CFHR2: variants seen among roughly 807,000 people sequenced by gnomAD.
CFHR2 encodes the protein complement factor H-related protein 2.
A neutral mutation model predicts 21.7 loss-of-function variants in CFHR2; 22 were observed. That is an observed-to-expected ratio of 1.01 (90% CI 0.72 to 1.45). CFHR2 has a LOEUF of 1.45. Ranked by LOEUF, CFHR2 falls within the 40% of genes most tolerant of loss-of-function variation. The pLI, the probability that CFHR2 is intolerant of heterozygous loss-of-function variation, is 0.00. For synonymous variants in CFHR2, 98 were observed against 97.4 expected, an observed-to-expected ratio of 1.01 and a Z score of -0.04; for missense variants, 294 against 293.3, an observed-to-expected ratio of 1.00 and a Z score of -0.02.
At chr1:196,955,833 C>A (rs1009859469) in intron 3 of CFHR2, among the ~76,000 whole-genome samples, 1 of 151,810 alleles carries the variant, frequency 6.6e-6, no homozygotes, top group Non-Finnish European at 1.5e-5. Flanking sequence ...GGTGACAGAG[C>A]GAGACTCTGT....
chr1:196,954,666 CCACCT>C (rs1652799350), intron 3 of CFHR2, among the ~76,000 whole-genome samples: 1 of 137,554 alleles, frequency 7.3e-6, no homozygotes, highest in Non-Finnish European at 1.6e-5. Flanking sequence ...GAAGAGGTTC[CCACCT>C]GGAACCAAAA....
Position 196,950,032 on chromosome 1 carries a change from A to G in CFHR2, c.253+383A>G, listed in dbSNP as rs556203520. ...TCTTTTGCATATTACAAGGAGGTTTAGCATTTTCACTTTTATATTTCAATA... is the reference window on the plus strand; with the variant it reads ...TCTTTTGCATATTACAAGGAGGTTTGGCATTTTCACTTTTATATTTCAATA... On this transcript the variant is annotated intron_variant, in intron 2 of 4. Coordinates refer to ENST00000367415, the MANE Select transcript of CFHR2 (RefSeq NM_005666.4). 5.9e-5 allele frequency among the ~76,000 whole-genome samples: 9 copies of G among 152,362 alleles called. No homozygotes were observed. The South Asian group carries it at 1.7e-3, about 28-fold the overall frequency.
intron 3 of CFHR2, among the ~76,000 whole-genome samples, chr1:196,952,520 C>T (rs1259762457): frequency 1.3e-5 from 2 of 152,146 alleles, no homozygotes; most frequent in African/African-American, 4.8e-5. Context: ...ATGTCATGAA[C>T]AAGCTCTCTT....
chr1:196,945,695 C>T (rs1342704912), intron 1 of CFHR2, among the ~76,000 whole-genome samples: 1 of 122,886 alleles, frequency 8.1e-6, no homozygotes, highest in Non-Finnish European at 1.6e-5. Context: ...CCACACCTCA[C>T]TGCAACTTAC....
intron 1 of CFHR2, among the ~76,000 whole-genome samples, chr1:196,944,570 C>T (rs1659404842): frequency 6.6e-6 from 1 of 151,644 alleles, no homozygotes; most frequent in Admixed American, 6.6e-5. Flanking sequence ...ATAAATGGTC[C>T]CATTTTATTT....
chr1:196,959,114 C>A lies in CFHR2; in HGVS notation c.*34C>A. ...GCATTACTATTAGTAAAATGCACAC[C>A]TTTTTCTGAATTTACTATTATATTT... On this transcript the variant is annotated 3_prime_UTR_variant, in exon 5 of 5. Coordinates refer to ENST00000367415, the MANE Select transcript of CFHR2 (RefSeq NM_005666.4). 1 of 1,370,528 alleles carries A rather than the reference C, an allele frequency of 7.3e-7. No homozygotes were observed. The highest frequency in any genetic ancestry group is 1.0e-6 in the Non-Finnish European group (1 of 983,702). The allele number at this position is 1,370,528 out of a possible 1,614,324, so 84.9% of individuals were successfully genotyped here.
intron 4 of CFHR2, among the ~76,000 whole-genome samples, 153 bp downstream of exon 4, chr1:196,958,226 G>A (rs1466069575): frequency 1.3e-5 from 2 of 151,880 alleles, no homozygotes; most frequent in Non-Finnish European, 2.9e-5. Flanking sequence ...GTAAAGTTTA[G>A]AAATTTTTCT....
chr1:196,948,770 T>C (rs1442199964), intron 1 of CFHR2, among the ~76,000 whole-genome samples: 2 of 148,108 alleles, frequency 1.4e-5, no homozygotes, highest in East Asian at 3.9e-4. Context: ...GGGCTGACCG[T>C]ATATATATGT....
intron 3 of CFHR2, among the ~76,000 whole-genome samples, chr1:196,951,844 CAG>C (rs1659739726): frequency 6.6e-6 from 1 of 152,116 alleles, no homozygotes; most frequent in African/African-American, 2.4e-5. Flanking sequence ...CCTCACAGCA[CAG>C]AGTCTAGAAA....
Position 196,949,591 on chromosome 1 carries a change from C to T in CFHR2, c.195C>T (p.Ser65=), listed in dbSNP as rs748497759. ...CEYNFVSPSK[S]FWTRITCAEE... is the part of the protein sequence containing the mutation. ...ATAATTTTGTGTCTCCTTCAAAATCCTTTTGGACTCGCATAACGTGCGCAG... is the reference window on the plus strand; with the variant it reads ...ATAATTTTGTGTCTCCTTCAAAATCTTTTTGGACTCGCATAACGTGCGCAG... Residue 65 remains serine, a synonymous_variant, in exon 2 of 5, where the codon TCC becomes TCT. Coordinates refer to ENST00000367415, the MANE Select transcript of CFHR2 (RefSeq NM_005666.4). 4.3e-5 allele frequency: 69 copies of T among 1,613,874 alleles called. No homozygotes were observed. The highest frequency in any genetic ancestry group is 5.7e-5 in the Non-Finnish European group (67 of 1,179,968).
At chr1:196,954,324 G>A (rs1652784414) in intron 3 of CFHR2, among the ~76,000 whole-genome samples, 1 of 152,242 alleles carries the variant, frequency 6.6e-6, no homozygotes, top group Non-Finnish European at 1.5e-5. Context: ...GCAAGGGGTA[G>A]GCTTCCAAGG....
intron 1 of CFHR2, among the ~76,000 whole-genome samples, chr1:196,944,662 C>A (rs1308265970): frequency 1.3e-5 from 2 of 152,064 alleles, no homozygotes; most frequent in South Asian, 4.1e-4. Context: ...TAAACTATGT[C>A]TGTACTTGGA....
At chr1:196,948,018 T>G (rs1278768291) in intron 1 of CFHR2, among the ~76,000 whole-genome samples, 3 of 152,138 alleles carry the variant, frequency 2.0e-5, no homozygotes, top group Non-Finnish European at 4.4e-5. Context: ...TATATGAATG[T>G]GTACACAAAG....
chr1:196,953,450 T>A (rs1235853390), intron 3 of CFHR2, among the ~76,000 whole-genome samples: 2 of 152,064 alleles, frequency 1.3e-5, no homozygotes, highest in Non-Finnish European at 2.9e-5. Context: ...ACCCAGCTAA[T>A]TTTTGTATTC....
In CFHR2 at chr1:196,959,109, C is replaced by T. The variant is rs893458290; in HGVS notation, c.*29C>T. On this transcript the variant is annotated 3_prime_UTR_variant, in exon 5 of 5. Transcript: ENST00000367415. ...CAATGGCATTACTATTAGTAAAATG[C>T]ACACCTTTTTCTGAATTTACTATTA... 4.2e-6 allele frequency: 6 copies of T among 1,417,802 alleles called. No homozygotes were observed. The South Asian group carries it at 7.5e-5, about 18-fold the overall frequency. The allele number at this position is 1,417,802 out of a possible 1,614,324, so 87.8% of individuals were successfully genotyped here.
At chr1:196,952,606 G>A (rs1193057385) in intron 3 of CFHR2, among the ~76,000 whole-genome samples, 1 of 152,158 alleles carries the variant, frequency 6.6e-6, no homozygotes, top group Non-Finnish European at 1.5e-5. Flanking sequence ...TTGACCAGCT[G>A]TATCCCATAC....
intron 4 of CFHR2, 38 bp downstream of exon 4, chr1:196,958,111 C>A (rs530889378): frequency 1.3e-6 from 2 of 1,578,816 alleles, no homozygotes; most frequent in South Asian, 1.1e-5. Context: ...CTGGAAAAAT[C>A]AGTGTGATGA....
chr1:196,947,300 A>G (rs769506814), intron 1 of CFHR2, among the ~76,000 whole-genome samples: 5 of 152,212 alleles, frequency 3.3e-5, no homozygotes, highest in African/African-American at 4.8e-5. Flanking sequence ...GATATGCACA[A>G]TGAATACTTG....
intron 3 of CFHR2, among the ~76,000 whole-genome samples, chr1:196,953,271 TTTAC>T (rs569716869): frequency 6.6e-6 from 1 of 150,566 alleles, no homozygotes; most frequent in African/African-American, 2.5e-5. Flanking sequence ...TATTTATTTA[TTTAC>T]TTACTTATTT....
Sources: gnomAD v4.1 joint callset for allele counts (sites outside exome capture counted in the v4.1 genomes callset) on GRCh38, gnomAD v4.1.1 for gene constraint, MANE v1.5 for transcripts, NCBI Gene and HGNC (gene_info 2026-07-23, HGNC 2026-07-21) for gene names.